TMEM87A: variants seen among roughly 807,000 people sequenced by gnomAD.
TMEM87A encodes Golgi-pH regulating cation channel.
A neutral mutation model predicts 90.0 loss-of-function variants in TMEM87A; 50 were observed. That is an observed-to-expected ratio of 0.56 (90% CI 0.44 to 0.70). The LOEUF (loss-of-function observed/expected upper bound fraction) is 0.70, where lower values mean the gene tolerates loss of function less well. TMEM87A is among the 30% of genes least tolerant of loss of function. The pLI, the probability that TMEM87A is intolerant of heterozygous loss-of-function variation, is 0.00. For synonymous variants in TMEM87A, 226 were observed against 226.7 expected (o/e 1.00, Z 0.03); for missense variants, 577 against 660.5 (o/e 0.87, Z 1.39).
intron 6 of TMEM87A, among the ~76,000 whole-genome samples, chr15:42,260,088 T>C (rs925327080): frequency 6.6e-5 from 10 of 152,180 alleles, no homozygotes; most frequent in African/African-American, 2.2e-4. Context: ...ATAACAACTT[T>C]TAGGCTAGGT....
At chr15:42,238,749 CTTTTTT>C (rs374648537) in intron 8 of TMEM87A, among the ~76,000 whole-genome samples, 8 of 119,600 alleles carry the variant, frequency 6.7e-5, no homozygotes, top group African/African-American at 9.6e-5. Context: ...GTGAGACTCT[CTTTTTT>C]TTTTTTTTTT....
intron 2 of TMEM87A, among the ~76,000 whole-genome samples, chr15:42,268,419 G>T (rs561986840): frequency 6.6e-6 from 1 of 152,298 alleles, no homozygotes; most frequent in Middle Eastern, 3.4e-3. Flanking sequence ...TATAACCCCA[G>T]AAGTTTGGGA....
intron 12 of TMEM87A, among the ~76,000 whole-genome samples, chr15:42,229,990 G>C (rs2050661119): frequency 6.6e-6 from 1 of 152,072 alleles, no homozygotes. Context: ...AATGCCTGAT[G>C]AATTTTTGTA....
At chr15:42,255,984 TTG>T (rs1445967445) in intron 6 of TMEM87A, among the ~76,000 whole-genome samples, 2 of 150,666 alleles carry the variant, frequency 1.3e-5, no homozygotes, top group South Asian at 4.2e-4. Flanking sequence ...TTCACCATGT[TTG>T]CCAGGCTGAT....
chr15:42,272,461 A>G (rs2051555058), intron 1 of TMEM87A, among the ~76,000 whole-genome samples: 1 of 152,232 alleles, frequency 6.6e-6, no homozygotes, highest in Non-Finnish European at 1.5e-5. Context: ...AAGCCCAAAT[A>G]AGATTTGGAC....
intron 7 of TMEM87A, among the ~76,000 whole-genome samples, chr15:42,241,680 C>T (rs2050871164): frequency 2.0e-5 from 3 of 151,900 alleles, no homozygotes; most frequent in African/African-American, 4.8e-5. Flanking sequence ...CAAAAAAAGA[C>T]GGGTATTTTT....
At chr15:42,214,004 A>C (rs910618767) in intron 19 of TMEM87A, among the ~76,000 whole-genome samples, 4 of 152,246 alleles carry the variant, frequency 2.6e-5, no homozygotes, top group African/African-American at 9.6e-5. Context: ...TAAGAATTTC[A>C]ATAAAAATAT....
rs144116209 is a variant in TMEM87A at position 42,212,780 on chromosome 15, G to A, written c.1627-1031C>T. ...CCTCAGAATTCAAAGGCTTTGTTCTGGCTCCCAAAGATGTTGTTGAAGAGC... is the reference window on the plus strand; with the variant it reads ...CCTCAGAATTCAAAGGCTTTGTTCTAGCTCCCAAAGATGTTGTTGAAGAGC... On this transcript the variant is annotated intron_variant, in intron 19 of 19. Transcript: ENST00000389834. Among the ~76,000 whole-genome samples, 559 of 152,244 alleles carry A rather than the reference G, an allele frequency of 3.7e-3. 2 individuals are homozygous for A. Among genetic ancestry groups the A allele is most frequent in the African/African-American group, 0.013 (535 of 41,546 alleles).
intron 8 of TMEM87A, among the ~76,000 whole-genome samples, chr15:42,239,395 C>T (rs1276052427): frequency 2.6e-5 from 4 of 152,038 alleles, no homozygotes; most frequent in Non-Finnish European, 2.9e-5. Context: ...TAAAAAGTGC[C>T]CCACTATGCA....
At chr15:42,270,046 G>C (rs2051487007) in intron 2 of TMEM87A, among the ~76,000 whole-genome samples, 1 of 149,546 alleles carries the variant, frequency 6.7e-6, no homozygotes, top group Non-Finnish European at 1.5e-5. Context: ...ATATGAGAAA[G>C]CACAGAAATA....
intron 2 of TMEM87A, among the ~76,000 whole-genome samples, chr15:42,269,129 T>C (rs778564246): frequency 1.1e-4 from 17 of 152,146 alleles, no homozygotes; most frequent in Non-Finnish European, 1.9e-4. Flanking sequence ...GATCAAGACA[T>C]TATTCTGAAG....
At position 42,263,089 on chromosome 15, in the gene TMEM87A, A is replaced by T. The variant is rs1378378768; in HGVS notation, c.405+1001T>A. Among the ~76,000 whole-genome samples, 3 of 152,178 alleles carry T rather than the reference A, an allele frequency of 2.0e-5. 1 individual carries two copies. Among genetic ancestry groups the T allele is most frequent in the Non-Finnish European group, 1.5e-5 (1 of 68,030 alleles). Reference sequence around the variant, plus strand: ...ATAGAAGTAAATTTTAAAAACCCTGATTTTTCTGGGAACATATTAATTAGA... The same window carrying T: ...ATAGAAGTAAATTTTAAAAACCCTGTTTTTTCTGGGAACATATTAATTAGA... On this transcript the variant is annotated intron_variant, in intron 4 of 19. Transcript: ENST00000389834.
intron 19 of TMEM87A, among the ~76,000 whole-genome samples, chr15:42,213,824 G>A (rs753840000): frequency 1.3e-4 from 20 of 151,782 alleles, no homozygotes; most frequent in Non-Finnish European, 2.5e-4. Context: ...CCAACACAAA[G>A]AATTAAGGAA....
chr15:42,233,445 A>G, intron 10 of TMEM87A, 139 bp from the exon 11 acceptor site: 1 of 613,580 alleles, frequency 1.6e-6, no homozygotes, highest in Non-Finnish European at 2.8e-6. Context: ...CCTAAGAGAA[A>G]AAAACTAAGA....
chr15:42,247,104 T>C (rs9672382), intron 6 of TMEM87A, among the ~76,000 whole-genome samples: 109,611 of 152,158 alleles, frequency 0.72, 42,290 homozygotes, highest in Non-Finnish European at 0.86. Context: ...TTCTGAAAAG[T>C]GTCTGTTCAT....
At chr15:42,268,769 T>C (rs1043611775) in intron 2 of TMEM87A, among the ~76,000 whole-genome samples, 1 of 152,182 alleles carries the variant, frequency 6.6e-6, no homozygotes, top group African/African-American at 2.4e-5. Flanking sequence ...AAACAAATTA[T>C]TAAGACCCTT....
At chr15:42,239,628 A>C in intron 8 of TMEM87A, 42 bp downstream of exon 8, 1 of 1,538,708 alleles carries the variant, frequency 6.5e-7, no homozygotes, top group African/African-American at 1.4e-5. Flanking sequence ...TTTGAACCCA[A>C]AACCATCCAA....
intron 13 of TMEM87A, among the ~76,000 whole-genome samples, chr15:42,228,493 A>C (rs1456503840): frequency 6.6e-6 from 1 of 152,222 alleles, no homozygotes; most frequent in Non-Finnish European, 1.5e-5. Context: ...ATAAATGAAG[A>C]GCTGAAATAT....
chr15:42,217,866 T>C (rs765053536), intron 18 of TMEM87A, 33 bp from the exon 19 acceptor site: 38 of 1,604,028 alleles, frequency 2.4e-5, no homozygotes, highest in Middle Eastern at 3.3e-4. Flanking sequence ...AATTGAACAA[T>C]GTAAAATAAA....
Sources: gnomAD v4.1 joint callset for allele counts (sites outside exome capture counted in the v4.1 genomes callset) on GRCh38, gnomAD v4.1.1 for gene constraint, MANE v1.5 for transcripts, NCBI Gene and HGNC (gene_info 2026-07-23, HGNC 2026-07-21) for gene names.